Variants in DISC1 observed in about 807,000 individuals in gnomAD.
The protein encoded by DISC1 is DISC1 scaffold protein, also known as disrupted in schizophrenia 1 protein.
In DISC1, 57 loss-of-function variants were observed where a neutral mutation model predicts 84.5. That is an observed-to-expected ratio of 0.67 (90% CI 0.55 to 0.84). DISC1 has a LOEUF of 0.84. DISC1 is among the 40% of genes least tolerant of loss of function. The pLI, the probability that DISC1 is intolerant of heterozygous loss-of-function variation, is 0.00. For missense variants in DISC1, 1,000 were observed against 1,057.8 expected, an observed-to-expected ratio of 0.95 and a Z score of 0.76; for synonymous variants, 411 against 415.2, an observed-to-expected ratio of 0.99 and a Z score of 0.12.
chr1:232,026,762 C>CTTTTT (rs545455868), intron 12 of DISC1, among the ~76,000 whole-genome samples: 50 of 110,844 alleles, frequency 4.5e-4, no homozygotes, highest in Non-Finnish European at 6.3e-4. Context: ...TTTCTTTTTT[C>CTTTTT]TTTTTTTTTT....
At chr1:231,756,531 GAGAGAGA>G (rs2075147543) in intron 4 of DISC1, among the ~76,000 whole-genome samples, 1 of 97,058 alleles carries the variant, frequency 1.0e-5, no homozygotes, top group Admixed American at 9.0e-5. Context: ...GAGAGAGAGA[GAGAGAGA>G]GAGAGAGAGA....
intron 1 of DISC1, 60 bp downstream of exon 1, chr1:231,626,994 G>T: frequency 2.4e-6 from 3 of 1,234,228 alleles, no homozygotes; most frequent in Non-Finnish European, 3.2e-6. Context: ...AGGAGGGCGC[G>T]CTCTGGCCCC....
At chr1:231,720,251 A>G (rs185862892) in intron 3 of DISC1, among the ~76,000 whole-genome samples, 86 of 152,206 alleles carry the variant, frequency 5.7e-4, no homozygotes, top group African/African-American at 1.9e-3. Flanking sequence ...GTACCCCACT[A>G]TAGTCTTTTG....
intron 3 of DISC1, among the ~76,000 whole-genome samples, chr1:231,725,758 T>C (rs1375313095): frequency 6.6e-6 from 1 of 152,178 alleles, no homozygotes; most frequent in East Asian, 1.9e-4. Flanking sequence ...ATTTTCCGTT[T>C]GCTGAGAAAA....
Position 231,918,746 on chromosome 1 carries a change from C to A in DISC1, c.1982-40082C>A, listed in dbSNP as rs547522317. Among the ~76,000 whole-genome samples, 141 of 152,264 alleles carry A rather than the reference C, an allele frequency of 9.3e-4. 2 individuals are homozygous for A. The highest frequency in any genetic ancestry group is 5.9e-4 in the Admixed American group (9 of 15,290). ...TGCATGCTTGCAAGGGCTGTGAGAACAAGCCCAGCAGGAAGGAAGAGACAT... is the reference window on the plus strand; with the variant it reads ...TGCATGCTTGCAAGGGCTGTGAGAAAAAGCCCAGCAGGAAGGAAGAGACAT... On this transcript the variant is annotated intron_variant, in intron 9 of 12. Transcript: ENST00000439617.
chr1:231,811,793 A>ACAAGTT (rs1219737092), intron 8 of DISC1, among the ~76,000 whole-genome samples: 1 of 152,200 alleles, frequency 6.6e-6, no homozygotes, highest in Non-Finnish European at 1.5e-5. Context: ...ATCAGAAGAA[A>ACAAGTT]CAAGTTCAAG....
At chr1:231,980,664 T>C (rs760337866) in intron 10 of DISC1, among the ~76,000 whole-genome samples, 3 of 152,232 alleles carry the variant, frequency 2.0e-5, no homozygotes, top group South Asian at 2.1e-4. Context: ...CCATATTTCA[T>C]TGAAGGGCAT....
At chr1:231,823,826 G>A (rs1029085662) in intron 9 of DISC1, among the ~76,000 whole-genome samples, 1 of 152,056 alleles carries the variant, frequency 6.6e-6, no homozygotes, top group Non-Finnish European at 1.5e-5. Flanking sequence ...AAGCAGGAGG[G>A]ACTGTGCACA....
chr1:231,996,063 GT>G (rs1665909666), intron 10 of DISC1, among the ~76,000 whole-genome samples: 1 of 152,192 alleles, frequency 6.6e-6, no homozygotes, highest in Non-Finnish European at 1.5e-5. Context: ...TCTCATCGTG[GT>G]TTTGATTTGC....
At chr1:231,815,279 C>T (rs2080811847) in intron 8 of DISC1, 2 of 152,120 alleles carry the variant, frequency 1.3e-5, no homozygotes, top group South Asian at 4.2e-4. Flanking sequence ...ACGAACAGCC[C>T]TACCAAGAGA....
At chr1:231,718,215 T>C (rs1240945271) in intron 3 of DISC1, among the ~76,000 whole-genome samples, 3 of 152,204 alleles carry the variant, frequency 2.0e-5, no homozygotes, top group Non-Finnish European at 4.4e-5. Flanking sequence ...CCTTCGATCA[T>C]CCTTCAATCC....
intron 6 of DISC1, among the ~76,000 whole-genome samples, chr1:231,790,719 C>T (rs866887142): frequency 1.1e-4 from 16 of 152,116 alleles, no homozygotes; most frequent in African/African-American, 3.4e-4. Context: ...GGGGTTTCAC[C>T]GTGTTAGCCA....
rs75228057 is a variant in DISC1, at chr1:231,983,475, A to G, written c.2042+24587A>G. Among the ~76,000 whole-genome samples the G allele has an allele frequency of 2.9e-3, 388 of 134,966 alleles. 5 individuals are homozygous for G. The East Asian group carries it at 0.033, about 12-fold the overall frequency. 88.5% of individuals were successfully genotyped at this position (134,966 alleles called of 152,430 possible). A position where few individuals can be genotyped will look rare whatever the true frequency, so the allele number is the denominator to read the frequency against. ...TGTGCATGTTGTAGGAGCAGGGTCT[A>G]GAGAAGCCATCTGCGTTTCAGGAGC... On this transcript the variant is annotated intron_variant, in intron 10 of 12. Coordinates refer to ENST00000439617, the MANE Select transcript of DISC1 (RefSeq NM_018662.3).
chr1:231,989,103 C>T (rs77715121), intron 10 of DISC1, among the ~76,000 whole-genome samples: 2,748 of 152,314 alleles, frequency 0.018, 55 homozygotes, highest in East Asian at 0.086. Flanking sequence ...CTACTCTGGT[C>T]TTTTGCTTTC....
Position 232,038,922 on chromosome 1 carries a change from A to C in DISC1, c.*2091A>C, listed in dbSNP as rs1670670511. 1.3e-5 allele frequency: 2 copies of C among 152,174 alleles called. No homozygotes were observed. Among genetic ancestry groups the C allele is most frequent in the South Asian group, 4.1e-4 (2 of 4,832 alleles). The allele number at this position is 152,174 out of a possible 1,614,324, so 9.4% of individuals were successfully genotyped here. On this transcript the variant is annotated 3_prime_UTR_variant, in exon 13 of 13. Coordinates refer to ENST00000439617, the MANE Select transcript of DISC1 (RefSeq NM_018662.3). Reference sequence around the variant, plus strand: ...TGCTCAGCCTTCCATGCTGTGCAGCACTTCTGTCCTCAGTCAAGGAGATGG... The same window carrying C: ...TGCTCAGCCTTCCATGCTGTGCAGCCCTTCTGTCCTCAGTCAAGGAGATGG...
intron 9 of DISC1, among the ~76,000 whole-genome samples, chr1:231,928,718 A>G (rs1192407001): frequency 6.6e-6 from 1 of 152,046 alleles, no homozygotes; most frequent in Non-Finnish European, 1.5e-5. Context: ...CCTTCTAAAC[A>G]CTGCTTCAGC....
At position 232,037,993 on chromosome 1, in the gene DISC1, G is replaced by C. The variant is rs968258236; in HGVS notation, c.*1162G>C. 6.6e-6 allele frequency: 1 copy of C among 151,132 alleles called. No individual in the cohort carries two copies. The highest frequency in any genetic ancestry group is 2.4e-5 in the African/African-American group (1 of 41,102). 9.4% of individuals were successfully genotyped at this position (151,132 alleles called of 1,614,324 possible). A position where few individuals can be genotyped will look rare whatever the true frequency, so the allele number is the denominator to read the frequency against. On this transcript the variant is annotated 3_prime_UTR_variant, in exon 13 of 13. Coordinates refer to ENST00000439617, the MANE Select transcript of DISC1 (RefSeq NM_018662.3). Reference sequence around the variant, plus strand: ...ACTCAGTAAGGCAGTGCAGTACTCAGTAACACAGTGCAGTACTCAGTAATA... The same window carrying C: ...ACTCAGTAAGGCAGTGCAGTACTCACTAACACAGTGCAGTACTCAGTAATA...
At chr1:231,859,972 G>C (rs961386467) in intron 9 of DISC1, among the ~76,000 whole-genome samples, 1 of 152,150 alleles carries the variant, frequency 6.6e-6, no homozygotes, top group African/African-American at 2.4e-5. Context: ...TGGCAAGGTG[G>C]CTTCCAGTTT....
chr1:231,779,103 G>T (rs1464735550), intron 6 of DISC1, among the ~76,000 whole-genome samples: 2 of 152,154 alleles, frequency 1.3e-5, no homozygotes, highest in Non-Finnish European at 2.9e-5. Context: ...TGCACCTAAA[G>T]AGTAAACTAC....
Sources: gnomAD v4.1 joint callset for allele counts (sites outside exome capture counted in the v4.1 genomes callset) on GRCh38, gnomAD v4.1.1 for gene constraint, MANE v1.5 for transcripts, NCBI Gene and HGNC (gene_info 2026-07-23, HGNC 2026-07-21) for gene names.